TBX19: variants seen among roughly 807,000 people sequenced by gnomAD.
The protein encoded by TBX19 is T-box transcription factor TBX19.
A neutral mutation model predicts 40.9 loss-of-function variants in TBX19; 33 were observed. The observed-to-expected ratio is 0.81, with a 90% CI of 0.61 to 1.08. TBX19 has a LOEUF of 1.08. Ranked by LOEUF, TBX19 falls within the 50% of genes least tolerant of loss-of-function variation. The probability of loss-of-function intolerance (pLI) is 0.00; values close to 1 mark genes in which losing one functional copy is unlikely to be tolerated. For synonymous variants in TBX19, 220 were observed against 225.0 expected (o/e 0.98, Z 0.20); for missense variants, 494 against 574.0 (o/e 0.86, Z 1.42).
intron 6 of TBX19, among the ~76,000 whole-genome samples, chr1:168,307,779 G>T (rs1364291230): frequency 2.6e-5 from 4 of 152,036 alleles, no homozygotes; most frequent in African/African-American, 9.7e-5. Context: ...ACAACATGAC[G>T]TTTTGATATA....
chr1:168,297,815 T>C lies in TBX19; in HGVS notation c.665+30T>C, dbSNP rs764917947. 1.5e-5 allele frequency: 24 copies of C among 1,550,498 alleles called. No individual in the cohort carries two copies. The East Asian group carries it at 4.7e-4, about 30-fold the overall frequency. On this transcript the variant is annotated intron_variant, in intron 4 of 7. Coordinates refer to ENST00000367821, the MANE Select transcript of TBX19 (RefSeq NM_005149.3). ...GTAAAGAAATTTTAGTGAAATCTTCTAATGAATGATTTATGCAAATACAAA... is the reference window on the plus strand; with the variant it reads ...GTAAAGAAATTTTAGTGAAATCTTCCAATGAATGATTTATGCAAATACAAA...
At chr1:168,298,150 G>A (rs995826287) in intron 4 of TBX19, among the ~76,000 whole-genome samples, 9 of 152,200 alleles carry the variant, frequency 5.9e-5, no homozygotes, top group African/African-American at 1.7e-4. Context: ...GAGCCGAGAT[G>A]GCGCCACTGC....
chr1:168,282,150 T>C (rs1431210215), intron 1 of TBX19, among the ~76,000 whole-genome samples: 4 of 152,192 alleles, frequency 2.6e-5, no homozygotes, highest in Non-Finnish European at 5.9e-5. Context: ...GTCACAAAAG[T>C]ACAAAATGCT....
intron 6 of TBX19, chr1:168,308,498 T>C: frequency 2.0e-6 from 1 of 512,554 alleles, no homozygotes; most frequent in Non-Finnish European, 3.5e-6. Flanking sequence ...CTGAGGCGTA[T>C]CTATAAGATG....
At chr1:168,304,687 G>T (rs983479338) in intron 5 of TBX19, among the ~76,000 whole-genome samples, 1 of 152,248 alleles carries the variant, frequency 6.6e-6, no homozygotes, top group Admixed American at 6.5e-5. Context: ...CCCAAAGCTA[G>T]CTTGGCAGCT....
chr1:168,306,626 C>CAAAAA (rs56042823), intron 6 of TBX19, among the ~76,000 whole-genome samples: 4 of 75,254 alleles, frequency 5.3e-5, no homozygotes, highest in African/African-American at 1.6e-4. Context: ...GACGCCATCT[C>CAAAAA]AAAAAAAAAA....
chr1:168,313,217 C>T lies in TBX19; in HGVS notation c.*215C>T. ...CTCTCCACCATTTTCTTCTGCACTC[C>T]CATTTTCTCTGCAGCTTATTCTTGC... On this transcript the variant is annotated 3_prime_UTR_variant, in exon 8 of 8. Transcript: ENST00000367821. The T allele has an allele frequency of 1.6e-6, 1 of 620,506 alleles. No individual in the cohort carries two copies. Among genetic ancestry groups the T allele is most frequent in the Non-Finnish European group, 2.8e-6 (1 of 354,256 alleles). The allele number at this position is 620,506 out of a possible 1,614,324, so 38.4% of individuals were successfully genotyped here.
intron 7 of TBX19, among the ~76,000 whole-genome samples, chr1:168,309,901 T>C (rs901610107): frequency 6.6e-6 from 1 of 152,190 alleles, no homozygotes; most frequent in African/African-American, 2.4e-5. Flanking sequence ...AATGAGAAAA[T>C]GCATTAACGT....
At chr1:168,294,621 C>T (rs759880128) in intron 3 of TBX19, among the ~76,000 whole-genome samples, 2 of 152,110 alleles carry the variant, frequency 1.3e-5, no homozygotes, top group Non-Finnish European at 2.9e-5. Context: ...CCTGCCTCAG[C>T]CTCCCAAGTA....
At chr1:168,304,734 G>C (rs1649359228) in intron 5 of TBX19, among the ~76,000 whole-genome samples, 1 of 152,218 alleles carries the variant, frequency 6.6e-6, no homozygotes, top group African/African-American at 2.4e-5. Flanking sequence ...GGGTAGATCA[G>C]AAGTCTTCAA....
At chr1:168,292,519 G>T (rs903166444) in intron 2 of TBX19, among the ~76,000 whole-genome samples, 3 of 152,140 alleles carry the variant, frequency 2.0e-5, no homozygotes, top group Admixed American at 1.3e-4. Flanking sequence ...GCTGAAAATA[G>T]GGGAAGGAAA....
chr1:168,312,845 C>T lies in TBX19; in HGVS notation c.1190C>T (p.Thr397Ile). The T allele has an allele frequency of 1.2e-6, 2 of 1,614,274 alleles. No homozygotes were observed. Among genetic ancestry groups the T allele is most frequent in the East Asian group, 2.2e-5 (1 of 44,890 alleles). The change falls in exon 8 of 8, where the codon ACC (threonine) becomes ATC (isoleucine). Residue 397 changes from threonine (T) to isoleucine (I), a missense_variant. Around this residue, in one of 3 missense-constraint regions of TBX19, gnomAD observed 284 missense variants for 307.3 expected, o/e 0.92. Coordinates refer to ENST00000367821, the MANE Select transcript of TBX19 (RefSeq NM_005149.3). ...AVTSPPSVLS[T>I]QAPTSAGVEV... ...ACTTCACCCCCTTCTGTGCTCTCCA[C>T]CCAAGCACCCACTTCGGCTGGTGTG...
At chr1:168,304,151 A>G (rs147368225) in intron 5 of TBX19, among the ~76,000 whole-genome samples, 4,170 of 152,334 alleles carry the variant, frequency 0.027, 89 homozygotes, top group Non-Finnish European at 0.035. Context: ...TGCAATAAAG[A>G]AAGAGTTTAA....
At chr1:168,298,819 CT>C (rs753679291) in intron 4 of TBX19, among the ~76,000 whole-genome samples, 2,120 of 47,432 alleles carry the variant, frequency 0.045, 548 homozygotes, top group Non-Finnish European at 0.052. Flanking sequence ...CCCTCCCTCC[CT>C]TCCTTTCTTT....
At chr1:168,286,312 G>A (rs1037670991) in intron 1 of TBX19, among the ~76,000 whole-genome samples, 3 of 152,062 alleles carry the variant, frequency 2.0e-5, no homozygotes, top group East Asian at 3.9e-4. Flanking sequence ...TCAGTAATTC[G>A]CAGAGTTGTG....
At chr1:168,311,453 C>T (rs1161768987) in intron 7 of TBX19, among the ~76,000 whole-genome samples, 1 of 152,004 alleles carries the variant, frequency 6.6e-6, no homozygotes, top group Non-Finnish European at 1.5e-5. Context: ...AAGATTGGGG[C>T]CAGAATCCCC....
At chr1:168,306,424 G>A (rs1200192840) in intron 6 of TBX19, among the ~76,000 whole-genome samples, 3 of 151,948 alleles carry the variant, frequency 2.0e-5, no homozygotes, top group Admixed American at 6.6e-5. Flanking sequence ...TCAGGAGTTC[G>A]AGAGTAGCCT....
intron 2 of TBX19, among the ~76,000 whole-genome samples, chr1:168,292,021 C>T (rs139133302): frequency 3.9e-4 from 59 of 152,200 alleles, no homozygotes; most frequent in African/African-American, 1.2e-3. Context: ...ATTGTGAATA[C>T]TAGTCTGCTA....
At chr1:168,302,669 A>C (rs960068083) in intron 5 of TBX19, among the ~76,000 whole-genome samples, 1 of 151,918 alleles carries the variant, frequency 6.6e-6, no homozygotes, top group Non-Finnish European at 1.5e-5. Flanking sequence ...ATGAAAAAGA[A>C]GAAAAAAGGA....
Sources: gnomAD v4.1 joint callset for allele counts (sites outside exome capture counted in the v4.1 genomes callset) on GRCh38, gnomAD v4.1.1 for gene constraint, gnomAD v4.1.1 regional missense constraint, MANE v1.5 for transcripts, NCBI Gene and HGNC (gene_info 2026-07-23, HGNC 2026-07-21) for gene names.